The following LRP1B variants were observed in gnomAD, a reference collection of about 807,000 sequenced individuals.
The protein encoded by LRP1B is LDL receptor related protein 1B.
Under a neutral mutation model 556.6 loss-of-function variants are expected in LRP1B, and 217 were observed. The ratio of observed to expected loss-of-function variants is 0.39; its 90% CI spans 0.35 to 0.44. The LOEUF is 0.44. Among genes scored for constraint, LRP1B ranks in the 20% least tolerant of loss-of-function variants. The pLI is 1.00. For missense variants in LRP1B, 5,053 were observed against 5,620.8 expected (o/e 0.90, Z 3.23); for synonymous variants, 2,047 against 1,865.8 (o/e 1.10, Z -2.50).
chr2:141,028,065 T>C (rs538638944), intron 11 of LRP1B, among the ~76,000 whole-genome samples: 1 of 152,140 alleles, frequency 6.6e-6, no homozygotes, highest in African/African-American at 2.4e-5. Flanking sequence ...AGAAATTCTC[T>C]GTACTATTTT....
chr2:141,743,056 T>C lies in LRP1B; in HGVS notation c.205+67223A>G, dbSNP rs1284085047. 2.0e-5 allele frequency among the ~76,000 whole-genome samples: 3 copies of C among 152,282 alleles called. No individual in the cohort carries two copies. The South Asian group carries it at 6.2e-4, about 32-fold the overall frequency. ...TCATATCATCTGCAAACAAAGATAA[T>C]TTGACTTCTTCCATTCAACTGTGGA... On this transcript the variant is annotated intron_variant, in intron 2 of 90. Coordinates refer to ENST00000389484, the MANE Select transcript of LRP1B (RefSeq NM_018557.3).
intron 62 of LRP1B, among the ~76,000 whole-genome samples, chr2:140,451,029 C>T (rs1301736237): frequency 6.6e-6 from 1 of 152,204 alleles, no homozygotes; most frequent in African/African-American, 2.4e-5. Flanking sequence ...GGAACCTCAA[C>T]TTCTTGGGCT....
Position 140,279,558 on chromosome 2 carries a change from CT to C in LRP1B, c.12968-4961del, listed in dbSNP as rs1452869581. Reference sequence around the variant, plus strand: ...TTCATCAGTGTCACCTCTCTATATACTCTCACATAATTACTACACACTCATA... The same window carrying C: ...TTCATCAGTGTCACCTCTCTATATACCTCACATAATTACTACACACTCATA... On this transcript the variant is annotated intron_variant, in intron 84 of 90. Coordinates refer to ENST00000389484, the MANE Select transcript of LRP1B (RefSeq NM_018557.3). Among the ~76,000 whole-genome samples, 13 of 152,076 alleles carry C rather than the reference CT, an allele frequency of 8.5e-5. No homozygotes were observed. In the East Asian group the frequency reaches 2.3e-3, roughly 27 times the overall value.
chr2:141,812,547 T>C (rs1485949787), intron 1 of LRP1B, among the ~76,000 whole-genome samples: 2 of 152,046 alleles, frequency 1.3e-5, no homozygotes, highest in African/African-American at 2.4e-5. Flanking sequence ...TAAGTACTTG[T>C]TGAAAATATA....
chr2:141,996,206 G>T (rs1283360996), intron 1 of LRP1B, among the ~76,000 whole-genome samples: 1 of 44,068 alleles, frequency 2.3e-5, no homozygotes, highest in African/African-American at 7.9e-5. Flanking sequence ...AACAGAGCGA[G>T]ACTCAAAAAA....
chr2:141,362,822 A>G (rs1056529267), intron 3 of LRP1B, among the ~76,000 whole-genome samples: 2 of 151,976 alleles, frequency 1.3e-5, no homozygotes, highest in Non-Finnish European at 2.9e-5. Context: ...TTAATTAAAA[A>G]AAAAAAAAAA....
chr2:141,247,214 G>T lies in LRP1B; in HGVS notation c.592+12C>A, dbSNP rs2105326914. The T allele has an allele frequency of 6.2e-7, 1 of 1,613,248 alleles. No homozygotes were observed. The highest frequency in any genetic ancestry group is 8.5e-7 in the Non-Finnish European group (1 of 1,179,558). ...ATTCTGGAAAGACAAAAAATAAATG[G>T]TCATAACTTACCAATTTTAGCCTTG... On this transcript the variant is annotated intron_variant, in intron 5 of 90. Coordinates refer to ENST00000389484, the MANE Select transcript of LRP1B (RefSeq NM_018557.3).
intron 7 of LRP1B, among the ~76,000 whole-genome samples, chr2:141,103,708 GTT>G (rs556602725): frequency 2.1e-5 from 3 of 145,066 alleles, no homozygotes; most frequent in African/African-American, 7.6e-5. Flanking sequence ...TAAGGCTGAA[GTT>G]TTTTTTTTTT....
In LRP1B at chr2:141,899,809, C is replaced by G. The variant is rs371093151; in HGVS notation, c.83-89408G>C. On this transcript the variant is annotated intron_variant, in intron 1 of 90. Coordinates refer to ENST00000389484, the MANE Select transcript of LRP1B (RefSeq NM_018557.3). ...GCACCTCAGAAATGGATTTCATTTC[C>G]AAGAACGCTTCAGCTTTGCCCTAAT... is the stretch of plus-strand genomic sequence containing the variant. Among the ~76,000 whole-genome samples, 34 of 152,060 alleles carry G rather than the reference C, an allele frequency of 2.2e-4. No homozygotes were observed. The South Asian group carries it at 3.3e-3, about 15-fold the overall frequency.
At chr2:141,359,280 A>AC (rs1553502341) in intron 3 of LRP1B, among the ~76,000 whole-genome samples, 1 of 150,680 alleles carries the variant, frequency 6.6e-6, no homozygotes, top group African/African-American at 2.4e-5. Context: ...AAAAAAAAAA[A>AC]CCACAGAATT....
At chr2:140,282,189 A>C (rs1218477123) in intron 84 of LRP1B, among the ~76,000 whole-genome samples, 1 of 151,812 alleles carries the variant, frequency 6.6e-6, no homozygotes, top group Non-Finnish European at 1.5e-5. Context: ...ACCAATTTCC[A>C]ATGGTGCCCT....
intron 1 of LRP1B, among the ~76,000 whole-genome samples, chr2:142,053,688 T>C (rs1046415868): frequency 6.6e-6 from 1 of 152,128 alleles, no homozygotes; most frequent in Non-Finnish European, 1.5e-5. Context: ...TTATGATAAG[T>C]AGTATTTCTG....
intron 1 of LRP1B, among the ~76,000 whole-genome samples, chr2:142,039,642 G>T (rs958774373): frequency 2.6e-5 from 4 of 151,520 alleles, no homozygotes; most frequent in African/African-American, 9.7e-5. Flanking sequence ...GCATTTATTA[G>T]AGCAGTTGGA....
chr2:141,916,268 C>T (rs1417874243), intron 1 of LRP1B, among the ~76,000 whole-genome samples: 1 of 152,118 alleles, frequency 6.6e-6, no homozygotes, highest in African/African-American at 2.4e-5. Context: ...ATGTATTTTG[C>T]AGCACCATGG....
chr2:140,326,627 A>G (rs1259655276), intron 79 of LRP1B, among the ~76,000 whole-genome samples: 1 of 152,024 alleles, frequency 6.6e-6, no homozygotes, highest in Non-Finnish European at 1.5e-5. Flanking sequence ...AGGCAGGAGA[A>G]TCACTTGAAC....
chr2:141,144,296 C>G (rs891364093), intron 7 of LRP1B, among the ~76,000 whole-genome samples: 1 of 152,086 alleles, frequency 6.6e-6, no homozygotes, highest in Non-Finnish European at 1.5e-5. Context: ...ACTAACTTAT[C>G]CTACATCACA....
intron 41 of LRP1B, among the ~76,000 whole-genome samples, chr2:140,665,373 T>C (rs1204264771): frequency 6.6e-6 from 1 of 152,218 alleles, no homozygotes; most frequent in Non-Finnish European, 1.5e-5. Context: ...AAAGCAGATT[T>C]GAATTTATAC....
rs1681058420 is a variant in LRP1B, at chr2:140,335,757, G to A, written c.11974C>T (p.His3992Tyr). 1 of 1,612,676 alleles carries A rather than the reference G, an allele frequency of 6.2e-7. No homozygotes were observed. The highest frequency in any genetic ancestry group is 1.1e-5 in the South Asian group (1 of 91,056). The change falls in exon 78 of 91, where the codon CAT becomes TAT. Residue 3992 changes from histidine to tyrosine, a missense_variant. By Grantham distance (83) the His-to-Tyr change is moderately conservative (BLOSUM62 2). This residue lies in a region of LRP1B where 599 missense variants were observed against 648.4 expected (regional missense o/e 0.92). Coordinates refer to ENST00000389484, the MANE Select transcript of LRP1B (RefSeq NM_018557.3). ...NIYWTDHSRM[H>Y]WFSYYTTHWT... ...TGAGTAGTGTAGTAACTGAACCAAT[G>A]CATTCTAGAATGATCAGTCCAGTAA...
At chr2:141,094,554 T>A (rs929301764) in intron 7 of LRP1B, among the ~76,000 whole-genome samples, 3 of 152,170 alleles carry the variant, frequency 2.0e-5, no homozygotes, top group African/African-American at 7.2e-5. Flanking sequence ...CTTCGGCATA[T>A]GTTACTGACC....
Sources: gnomAD v4.1 joint callset for allele counts (sites outside exome capture counted in the v4.1 genomes callset) on GRCh38, gnomAD v4.1.1 for gene constraint, gnomAD v4.1.1 regional missense constraint, MANE v1.5 for transcripts, NCBI Gene and HGNC (gene_info 2026-07-23, HGNC 2026-07-21) for gene names.